Variants in LAMA2 observed in about 807,000 individuals in gnomAD.
LAMA2 encodes the protein laminin subunit alpha-2.
Under a neutral mutation model 364.8 loss-of-function variants are expected in LAMA2, and 269 were observed. The observed-to-expected ratio is 0.74, with a 90% CI of 0.67 to 0.82. The LOEUF (loss-of-function observed/expected upper bound fraction) is 0.82, where lower values mean the gene tolerates loss of function less well. Ranked by LOEUF, LAMA2 falls within the 40% of genes least tolerant of loss-of-function variation. LAMA2 has a pLI of 0.00. For missense variants in LAMA2, 3,807 were observed against 3,873.2 expected (o/e 0.98, Z 0.45); for synonymous variants, 1,379 against 1,370.6 (o/e 1.01, Z -0.14).
chr6:129,348,155 T>C (rs551596837), intron 30 of LAMA2, among the ~76,000 whole-genome samples: 2 of 152,320 alleles, frequency 1.3e-5, no homozygotes, highest in East Asian at 3.9e-4. Flanking sequence ...TTATTTTTTG[T>C]GAAGGCAAAA....
intron 1 of LAMA2, among the ~76,000 whole-genome samples, chr6:128,949,582 G>A (rs567246010): frequency 7.5e-4 from 114 of 152,278 alleles, no homozygotes; most frequent in Admixed American, 1.1e-3. Context: ...AGAAGGGAAG[G>A]AAGGAGAATG....
At chr6:129,426,357 A>C (rs1227361531) in intron 40 of LAMA2, among the ~76,000 whole-genome samples, 1 of 152,166 alleles carries the variant, frequency 6.6e-6, no homozygotes, top group Non-Finnish European at 1.5e-5. Flanking sequence ...TAACCAAGGG[A>C]GTAAAAATGA....
At chr6:129,263,051 A>G (rs1787243603) in intron 15 of LAMA2, among the ~76,000 whole-genome samples, 1 of 152,174 alleles carries the variant, frequency 6.6e-6, no homozygotes, top group Non-Finnish European at 1.5e-5. Flanking sequence ...GACAGATGAG[A>G]CAGGGGATAT....
At chr6:128,997,965 A>G (rs1479414031) in intron 1 of LAMA2, among the ~76,000 whole-genome samples, 1 of 152,078 alleles carries the variant, frequency 6.6e-6, no homozygotes, top group African/African-American at 2.4e-5. Flanking sequence ...GGAAGGAGAG[A>G]GTGAAATCAA....
intron 1 of LAMA2, among the ~76,000 whole-genome samples, chr6:128,909,815 C>G (rs1171761230): frequency 6.6e-6 from 1 of 151,724 alleles, no homozygotes; most frequent in Non-Finnish European, 1.5e-5. Flanking sequence ...TTCAGGAGCT[C>G]TTTTAGGGCA....
chr6:128,926,121 C>T (rs551261328), intron 1 of LAMA2, among the ~76,000 whole-genome samples: 53 of 152,264 alleles, frequency 3.5e-4, no homozygotes, highest in African/African-American at 1.3e-3. Flanking sequence ...ATTTTCCATT[C>T]TATTTGAAAG....
At chr6:129,318,993 A>G (rs1214319510) in intron 27 of LAMA2, among the ~76,000 whole-genome samples, 1 of 152,228 alleles carries the variant, frequency 6.6e-6, no homozygotes, top group African/African-American at 2.4e-5. Context: ...TGAAAAGGGT[A>G]TTAATATGTT....
At chr6:129,155,039 T>A (rs1050199944) in intron 8 of LAMA2, among the ~76,000 whole-genome samples, 2 of 152,210 alleles carry the variant, frequency 1.3e-5, no homozygotes, top group African/African-American at 4.8e-5. Context: ...CATAATATGT[T>A]AAGATTTATC....
At chr6:129,162,769 GC>G (rs986344275) in intron 8 of LAMA2, among the ~76,000 whole-genome samples, 2 of 151,162 alleles carry the variant, frequency 1.3e-5, no homozygotes, top group African/African-American at 4.9e-5. Flanking sequence ...TAAAACTTTG[GC>G]CCGTAGACCA....
chr6:129,288,190 A>G, intron 19 of LAMA2, 132 bp downstream of exon 19: 1 of 772,786 alleles, frequency 1.3e-6, no homozygotes, highest in Non-Finnish European at 2.3e-6. Context: ...CATAGAATAT[A>G]CAGAGTCTGC....
chr6:128,962,223 A>G (rs1781581797), intron 1 of LAMA2, among the ~76,000 whole-genome samples: 1 of 137,036 alleles, frequency 7.3e-6, no homozygotes, highest in African/African-American at 2.7e-5. Context: ...TTTATGACTT[A>G]ACTCTTATTT....
chr6:129,134,253 T>C (rs1309559969), intron 4 of LAMA2, among the ~76,000 whole-genome samples: 2 of 152,228 alleles, frequency 1.3e-5, no homozygotes, highest in Non-Finnish European at 2.9e-5. Flanking sequence ...TTATTTCACA[T>C]ATTTATTTTT....
At chr6:129,507,030 A>G (rs1786142465) in intron 61 of LAMA2, among the ~76,000 whole-genome samples, 1 of 151,724 alleles carries the variant, frequency 6.6e-6, no homozygotes, top group Admixed American at 6.6e-5. Flanking sequence ...TGCTGCTTTC[A>G]TTAGATATTC....
chr6:129,148,107 C>T (rs543135594), intron 6 of LAMA2, among the ~76,000 whole-genome samples: 1 of 151,960 alleles, frequency 6.6e-6, no homozygotes, highest in Admixed American at 6.6e-5. Flanking sequence ...TTAAAAATCC[C>T]TTTACTGTTA....
chr6:129,471,132 T>C (rs1484812557), intron 51 of LAMA2, among the ~76,000 whole-genome samples: 1 of 151,944 alleles, frequency 6.6e-6, no homozygotes, highest in Non-Finnish European at 1.5e-5. Flanking sequence ...CCCTACCTAC[T>C]TATAAATCAC....
chr6:129,171,994 C>A (rs1184969908), intron 9 of LAMA2, among the ~76,000 whole-genome samples: 29 of 129,852 alleles, frequency 2.2e-4, no homozygotes, highest in Non-Finnish European at 4.5e-4. Flanking sequence ...GCATTCTTCA[C>A]GTAGTTCTCG....
intron 16 of LAMA2, among the ~76,000 whole-genome samples, chr6:129,267,572 A>G (rs993633309): frequency 2.0e-5 from 3 of 152,086 alleles, no homozygotes; most frequent in Non-Finnish European, 2.9e-5. Context: ...AAAATAATTT[A>G]TATCCCCATA....
intron 9 of LAMA2, among the ~76,000 whole-genome samples, chr6:129,169,441 T>C (rs1257536154): frequency 1.3e-5 from 2 of 148,494 alleles, no homozygotes; most frequent in Non-Finnish European, 3.0e-5. Context: ...TGTCTTTGGC[T>C]CTGTTTATAT....
At chr6:129,463,926 ATATATAAGAAATG>A (rs1235939399) in intron 49 of LAMA2, among the ~76,000 whole-genome samples, 2 of 151,996 alleles carry the variant, frequency 1.3e-5, no homozygotes, top group Non-Finnish European at 2.9e-5. Context: ...GTAGGATCCT[ATATATAAGAAATG>A]TAATAATGTA....
Sources: allele counts gnomAD v4.1 joint callset (sites outside exome capture counted in the v4.1 genomes callset), GRCh38; gene constraint gnomAD v4.1.1; transcripts MANE v1.5; gene names NCBI Gene and HGNC (gene_info 2026-07-23, HGNC 2026-07-21).